CAPRIN2: variants seen among roughly 807,000 people sequenced by gnomAD.
CAPRIN2 encodes the protein caprin family member 2, also known as caprin-2.
In CAPRIN2, 66 loss-of-function variants were observed where a neutral mutation model predicts 130.4. The ratio of observed to expected loss-of-function variants is 0.51; its 90% confidence interval spans 0.42 to 0.62. The LOEUF is 0.62. Among genes scored for constraint, CAPRIN2 ranks in the 20% least tolerant of loss-of-function variants. The pLI, the probability that CAPRIN2 is intolerant of heterozygous loss-of-function variation, is 0.00. For synonymous variants in CAPRIN2, 471 were observed against 444.1 expected (o/e 1.06, Z -0.76); for missense variants, 1,185 against 1,246.6 (o/e 0.95, Z 0.74).
intron 1 of CAPRIN2, among the ~76,000 whole-genome samples, chr12:30,751,951 C>T (rs1249276733): frequency 7.6e-6 from 1 of 132,136 alleles, no homozygotes; most frequent in South Asian, 2.7e-4. Flanking sequence ...CAGAATTTCA[C>T]TCCGTTGCCC....
At chr12:30,739,637 C>A (rs1179554927) in intron 3 of CAPRIN2, among the ~76,000 whole-genome samples, 1 of 151,972 alleles carries the variant, frequency 6.6e-6, no homozygotes, top group Non-Finnish European at 1.5e-5. Context: ...ATCGCGTGAA[C>A]CCGGGAGGCG....
intron 2 of CAPRIN2, among the ~76,000 whole-genome samples, chr12:30,743,552 A>T (rs2068509459): frequency 6.6e-6 from 1 of 152,164 alleles, no homozygotes; most frequent in Non-Finnish European, 1.5e-5. Flanking sequence ...TGTTTTTACT[A>T]ACACTGAACT....
In CAPRIN2 at chr12:30,742,246, A is replaced by G. The variant is rs553935670; in HGVS notation, c.484-1140T>C. Among the ~76,000 whole-genome samples the G allele has an allele frequency of 7.2e-5, 11 of 152,272 alleles. No homozygotes were observed. The South Asian group carries it at 2.3e-3, about 32-fold the overall frequency. ...TGTGTTAAGTATATTATACCTCAAT[A>G]GTGTTGGAAAAAACAGACTGATATT... On this transcript the variant is annotated intron_variant, in intron 2 of 16. Coordinates refer to ENST00000298892, the Ensembl canonical transcript of CAPRIN2.
chr12:30,753,441 A>G, exon 1 of CAPRIN2: 1 of 1,614,182 alleles, frequency 6.2e-7, no homozygotes, highest in South Asian at 1.1e-5. Context: ...AGCAGAACTC[A>G]GAGTAGACTG....
At chr12:30,744,839 A>AT (rs888866699) in intron 2 of CAPRIN2, among the ~76,000 whole-genome samples, 1 of 152,232 alleles carries the variant, frequency 6.6e-6, no homozygotes, top group African/African-American at 2.4e-5. Flanking sequence ...GATACTTAAT[A>AT]TATCTTGTTG....
intron 2 of CAPRIN2, among the ~76,000 whole-genome samples, chr12:30,745,970 C>CCAA (rs2070012055): frequency 6.6e-6 from 1 of 151,940 alleles, no homozygotes; most frequent in African/African-American, 2.4e-5. Flanking sequence ...AAAACTGATG[C>CCAA]CAAAAGAAAT....
chr12:30,716,605 G>A (rs2057651176), exon 13 of CAPRIN2: 2 of 1,613,844 alleles, frequency 1.2e-6, no homozygotes, highest in Admixed American at 3.3e-5. Context: ...TTTGATTGTA[G>A]CCAGGTGAAT....
chr12:30,728,903 C>G, exon 8 of CAPRIN2: 1 of 1,614,102 alleles, frequency 6.2e-7, no homozygotes, highest in Non-Finnish European at 8.5e-7. Context: ...TTGGAGTTTG[C>G]TTCTTTGGAT....
Position 30,714,996 on chromosome 12 carries a change from T to TA in CAPRIN2, c.2462dup (p.Leu821PhefsTer13), listed in dbSNP as rs1405993185. ...CAGGGGACCGATAGGAATTGGTTAT[T>TA]AATCTCCCACCACGAGTACATCCTC... On this transcript the variant is annotated frameshift_variant, in exon 14 of 17. Coordinates refer to ENST00000298892, the Ensembl canonical transcript of CAPRIN2. LOFTEE classifies it high-confidence loss of function. 6.2e-7 allele frequency: 1 copy of TA among 1,613,980 alleles called. No individual in the cohort carries two copies.
In CAPRIN2 at chr12:30,713,975, T is replaced by C. The variant is rs1422757571; in HGVS notation, c.2501-90A>G. ...ATTCTATATTGCTTTAAAAGTTAAA[T>C]TGATTATATAATGCCATCATTAGAC... On this transcript the variant is annotated intron_variant, in intron 14 of 16. Transcript: ENST00000298892. 5.8e-6 allele frequency: 4 copies of C among 688,136 alleles called. No individual in the cohort carries two copies. In the Admixed American group the frequency reaches 6.8e-5, roughly 12 times the overall value. 42.6% of individuals were successfully genotyped at this position (688,136 alleles called of 1,614,324 possible).
chr12:30,751,937 G>A (rs1322803489), intron 1 of CAPRIN2, among the ~76,000 whole-genome samples: 2 of 31,116 alleles, frequency 6.4e-5, no homozygotes, highest in African/African-American at 1.2e-4. Flanking sequence ...TTTTTTTTTT[G>A]AGACAGAATT....
intron 12 of CAPRIN2, 79 bp from the exon 14 acceptor site, chr12:30,719,304 A>G (rs897221486): frequency 1.9e-5 from 29 of 1,515,878 alleles, no homozygotes; most frequent in African/African-American, 1.5e-4. Context: ...CCAAACTGGC[A>G]TAAGTCAGCA....
exon 8 of CAPRIN2, chr12:30,728,833 T>C (rs779800139): frequency 1.2e-6 from 2 of 1,614,188 alleles, no homozygotes; most frequent in Non-Finnish European, 8.5e-7. Flanking sequence ...TCTTCACACA[T>C]GGGAGTGGTC....
intron 1 of CAPRIN2, among the ~76,000 whole-genome samples, chr12:30,752,021 C>T (rs1342702845): frequency 4.7e-5 from 7 of 149,002 alleles, no homozygotes; most frequent in African/African-American, 1.7e-4. Context: ...TGGGTTCAAG[C>T]GATTCTCCTG....
Position 30,730,231 on chromosome 12 carries a change from T to C in CAPRIN2, c.1104+8A>G. 2 of 1,607,378 alleles carry C rather than the reference T, an allele frequency of 1.2e-6. No individual in the cohort carries two copies. The highest frequency in any genetic ancestry group is 8.5e-7 in the Non-Finnish European group (1 of 1,174,020). On this transcript the variant is annotated splice_region_variant and intron_variant, in intron 7 of 16. Coordinates refer to ENST00000298892, the Ensembl canonical transcript of CAPRIN2. ...TCAACATCAGCAAATTGTCTTTCAG[T>C]ATCTTACCTCTTGTGGTTGTATCTC...
At chr12:30,729,962 G>A (rs1565623055) in intron 7 of CAPRIN2, among the ~76,000 whole-genome samples, 1 of 152,142 alleles carries the variant, frequency 6.6e-6, no homozygotes, top group Non-Finnish European at 1.5e-5. Flanking sequence ...TGGGCAGTTC[G>A]TGTGCCAGAC....
chr12:30,738,878 G>C (rs2066048989), intron 3 of CAPRIN2, among the ~76,000 whole-genome samples: 2 of 152,260 alleles, frequency 1.3e-5, no homozygotes, highest in South Asian at 4.1e-4. Flanking sequence ...AGTCAGAATG[G>C]TTATTATTAA....
chr12:30,734,200 G>A (rs2063679119), intron 4 of CAPRIN2, among the ~76,000 whole-genome samples: 1 of 152,172 alleles, frequency 6.6e-6, no homozygotes, highest in Non-Finnish European at 1.5e-5. Context: ...CTATCAGCAT[G>A]AGAATTAAAA....
intron 12 of CAPRIN2, among the ~76,000 whole-genome samples, chr12:30,718,228 T>C (rs1389879787): frequency 6.6e-6 from 1 of 152,182 alleles, no homozygotes. Flanking sequence ...GTAAAACCAA[T>C]GTGGCTATAC....
Sources: gnomAD v4.1 joint callset for allele counts (sites outside exome capture counted in the v4.1 genomes callset) on GRCh38, gnomAD v4.1.1 for gene constraint, MANE v1.5 for transcripts, NCBI Gene and HGNC (gene_info 2026-07-23, HGNC 2026-07-21) for gene names.